The following COBL variants were observed in gnomAD, a reference collection of about 807,000 sequenced individuals.
The protein encoded by COBL is protein cordon-bleu.
In COBL, 51 loss-of-function variants were observed where a neutral mutation model predicts 98.8. The observed-to-expected ratio is 0.52, with a 90% CI of 0.41 to 0.65. The LOEUF is 0.65. Among genes scored for constraint, COBL ranks in the 30% least tolerant of loss-of-function variants. The probability of loss-of-function intolerance (pLI) is 0.00; values close to 1 mark genes in which losing one functional copy is unlikely to be tolerated. For synonymous variants in COBL, 634 were observed against 651.7 expected (o/e 0.97, Z 0.41); for missense variants, 1,617 against 1,617.5 (o/e 1.00, Z 0.01).
chr7:51,024,613 G>C (rs1378768528), intron 12 of COBL, among the ~76,000 whole-genome samples: 1 of 152,112 alleles, frequency 6.6e-6, no homozygotes, highest in Non-Finnish European at 1.5e-5. Context: ...TTCAGATTCC[G>C]TAACTGTCCA....
intron 1 of COBL, among the ~76,000 whole-genome samples, chr7:51,286,255 G>T (rs554438683): frequency 3.5e-5 from 5 of 144,380 alleles, no homozygotes; most frequent in African/African-American, 1.3e-4. Flanking sequence ...AAAAAAAAAA[G>T]CTGTACTTCT....
At chr7:51,276,790 C>T (rs1048769822) in intron 1 of COBL, among the ~76,000 whole-genome samples, 6 of 152,288 alleles carry the variant, frequency 3.9e-5, no homozygotes, top group African/African-American at 1.2e-4. Flanking sequence ...AACCCAAGGG[C>T]ATTCTGGAAA....
At chr7:51,261,693 G>A (rs972510438) in intron 1 of COBL, among the ~76,000 whole-genome samples, 17 of 152,290 alleles carry the variant, frequency 1.1e-4, no homozygotes, top group Middle Eastern at 3.4e-3. Flanking sequence ...GGGGCCAGGC[G>A]CGGTGGCTCA....
chr7:51,311,910 A>G (rs1803087239), intron 1 of COBL, among the ~76,000 whole-genome samples: 1 of 152,094 alleles, frequency 6.6e-6, no homozygotes, highest in Non-Finnish European at 1.5e-5. Context: ...TTTTTCAGCT[A>G]TAGTATAAGG....
At chr7:51,099,062 C>T (rs1583787871) in intron 6 of COBL, among the ~76,000 whole-genome samples, 2 of 148,724 alleles carry the variant, frequency 1.3e-5, no homozygotes, top group Admixed American at 1.3e-4. Context: ...AATAAGATAT[C>T]ACCTCACTTC....
intron 5 of COBL, among the ~76,000 whole-genome samples, chr7:51,161,806 C>T (rs1786847962): frequency 6.6e-6 from 1 of 152,020 alleles, no homozygotes; most frequent in Admixed American, 6.6e-5. Context: ...CCATAAAAGG[C>T]CAGTTACTTT....
intron 7 of COBL, among the ~76,000 whole-genome samples, chr7:51,048,488 T>C (rs1789931863): frequency 6.6e-6 from 1 of 152,184 alleles, no homozygotes; most frequent in Admixed American, 6.5e-5. Flanking sequence ...AGTATTTTCA[T>C]GCCCAGGCCC....
intron 6 of COBL, among the ~76,000 whole-genome samples, chr7:51,111,608 A>T (rs1293771241): frequency 6.6e-6 from 1 of 152,116 alleles, no homozygotes; most frequent in African/African-American, 2.4e-5. Flanking sequence ...CTCACGACCC[A>T]TCCATCCTTC....
At chr7:51,166,971 T>C (rs892797659) in intron 5 of COBL, among the ~76,000 whole-genome samples, 2 of 152,118 alleles carry the variant, frequency 1.3e-5, no homozygotes, top group Non-Finnish European at 2.9e-5. Flanking sequence ...ATAAAAGCCA[T>C]ATACAATAGA....
intron 1 of COBL, among the ~76,000 whole-genome samples, chr7:51,257,448 T>C (rs1053003602): frequency 6.6e-6 from 1 of 152,154 alleles, no homozygotes; most frequent in African/African-American, 2.4e-5. Flanking sequence ...AGTGGACACA[T>C]ACACTGAACT....
At chr7:51,018,969 T>G (rs1786645199) in intron 12 of COBL, among the ~76,000 whole-genome samples, 3 of 138,350 alleles carry the variant, frequency 2.2e-5, no homozygotes, top group South Asian at 2.4e-4. Flanking sequence ...TTTTTGCAAT[T>G]TTTTTTAAGC....
At chr7:51,280,816 A>C (rs569542097) in intron 1 of COBL, among the ~76,000 whole-genome samples, 1 of 152,330 alleles carries the variant, frequency 6.6e-6, no homozygotes. Context: ...GAAGATCTGA[A>C]GAGCACTGTA....
chr7:51,134,984 CAG>C (rs150929998), intron 6 of COBL, among the ~76,000 whole-genome samples: 7,231 of 151,820 alleles, frequency 0.048, 231 homozygotes, highest in Non-Finnish European at 0.074. Flanking sequence ...ATTTTTGAGA[CAG>C]AGTTTCTCTC....
intron 5 of COBL, among the ~76,000 whole-genome samples, chr7:51,175,239 G>A (rs146178056): frequency 2.4e-4 from 37 of 152,340 alleles, no homozygotes; most frequent in African/African-American, 7.9e-4. Flanking sequence ...TACATAGCAC[G>A]CTTTTAAAAC....
At chr7:51,172,385 T>C in intron 5 of COBL, 2 of 975,556 alleles carry the variant, frequency 2.1e-6, no homozygotes, top group Non-Finnish European at 2.8e-6. Context: ...GATTTCACTA[T>C]CTGGAAGGTC....
At chr7:51,196,490 G>C (rs1309461508) in intron 2 of COBL, among the ~76,000 whole-genome samples, 1 of 151,986 alleles carries the variant, frequency 6.6e-6, no homozygotes, top group Admixed American at 6.6e-5. Context: ...GTCAGTTTTT[G>C]GTATCAGGAT....
At chr7:51,189,934 G>A (rs1028282920) in intron 4 of COBL, among the ~76,000 whole-genome samples, 1 of 152,174 alleles carries the variant, frequency 6.6e-6, no homozygotes, top group Non-Finnish European at 1.5e-5. Context: ...AACAGTCTCT[G>A]CACCAGCAAG....
intron 2 of COBL, among the ~76,000 whole-genome samples, chr7:51,205,647 G>T (rs200961407): frequency 0.03 from 4,282 of 142,368 alleles, 198 homozygotes; most frequent in African/African-American, 0.1. Context: ...TTGGTTTTTT[G>T]TTTTTTTTTT....
intron 8 of COBL, among the ~76,000 whole-genome samples, chr7:51,039,094 G>A (rs186052295): frequency 6.6e-6 from 1 of 152,286 alleles, no homozygotes; most frequent in East Asian, 1.9e-4. Flanking sequence ...GCCTCCTCTT[G>A]ATCAAGGTGG....
Sources: gnomAD v4.1 joint callset for allele counts (sites outside exome capture counted in the v4.1 genomes callset) on GRCh38, gnomAD v4.1.1 for gene constraint, MANE v1.5 for transcripts, NCBI Gene and HGNC (gene_info 2026-07-23, HGNC 2026-07-21) for gene names.